Variants in BORCS5 observed in about 807,000 individuals in gnomAD.
BORCS5 encodes the protein BLOC-1-related complex subunit 5.
A neutral mutation model predicts 22.1 loss-of-function variants in BORCS5; 17 were observed. The observed-to-expected ratio is 0.77, with a 90% CI of 0.53 to 1.15. The LOEUF (loss-of-function observed/expected upper bound fraction) is 1.15. Among genes scored for constraint, BORCS5 ranks in the 50% most tolerant of loss-of-function variants. The probability of loss-of-function intolerance (pLI) is 0.00; values close to 1 mark genes in which losing one functional copy is unlikely to be tolerated. For missense variants in BORCS5, 247 were observed against 253.2 expected, an observed-to-expected ratio of 0.98 and a Z score of 0.17; for synonymous variants, 117 against 99.8, an observed-to-expected ratio of 1.17 and a Z score of -1.03.
chr12:12,458,223 C>T (rs192283102), intron 3 of BORCS5, among the ~76,000 whole-genome samples: 2 of 152,314 alleles, frequency 1.3e-5, no homozygotes, highest in Non-Finnish European at 2.9e-5. Flanking sequence ...TTACTCTTAA[C>T]ACCTCCTTGG....
chr12:12,458,548 C>T (rs1037366142), intron 3 of BORCS5, among the ~76,000 whole-genome samples: 1 of 148,258 alleles, frequency 6.7e-6, no homozygotes, highest in Admixed American at 6.7e-5. Context: ...TGCTGCTTGC[C>T]TTTTCATTTT....
chr12:12,369,512 T>A lies in BORCS5; in HGVS notation c.202+8163T>A, dbSNP rs574190218. ...TTCCTGCTTCCTTGCATTACAAAAA[T>A]TTTTTTTTAGTATGTATTCCATTTT... On this transcript the variant is annotated intron_variant, in intron 2 of 3. Transcript: ENST00000314565. Among the ~76,000 whole-genome samples the A allele has an allele frequency of 1.6e-3, 245 of 151,594 alleles. 1 individual carries two copies. The highest frequency in any genetic ancestry group is 5.5e-3 in the African/African-American group (227 of 41,380).
rs1491536859 is a variant in BORCS5, at chr12:12,440,606, A to AAG, written c.360+4822_360+4823insGA. ...AGACGGGGTTTAAGCTAGGTCTTTG[A>AAG]AAAAAAAAAAAAAACCAGGATTTGG... On this transcript the variant is annotated intron_variant, in intron 3 of 3. Transcript: ENST00000314565. Among the ~76,000 whole-genome samples, 5 of 14,460 alleles carry AAG rather than the reference A, an allele frequency of 3.5e-4. No individual in the cohort carries two copies. The African/African-American group carries it at 6.4e-3, about 18-fold the overall frequency. The allele number at this position is 14,460 out of a possible 152,430, so 9.5% of individuals were successfully genotyped here.
chr12:12,435,730 AGT>A lies in BORCS5; in HGVS notation c.309_310del (p.Ala104ArgfsTer6). 6.2e-7 allele frequency: 1 copy of A among 1,614,038 alleles called. No homozygotes were observed. Among genetic ancestry groups the A allele is most frequent in the South Asian group, 1.1e-5 (1 of 91,066 alleles). ...CTCCGATATCAAGATCACCTGCATC[AGT>A]GTGCAGAGGCCGTTGCTTTTGACCA... On this transcript the variant is annotated frameshift_variant, in exon 3 of 4. Coordinates refer to ENST00000314565, the MANE Select transcript of BORCS5 (RefSeq NM_058169.6). LOFTEE classifies it high-confidence loss of function.
chr12:12,445,596 TGGGTCTGGAGTA>T (rs1942772557), intron 3 of BORCS5, among the ~76,000 whole-genome samples: 2 of 136,782 alleles, frequency 1.5e-5, no homozygotes, highest in Non-Finnish European at 3.0e-5. Flanking sequence ...TCTGAGCCAG[TGGGTCTGGAGTA>T]GGGCCTGGTA....
intron 2 of BORCS5, among the ~76,000 whole-genome samples, chr12:12,386,925 A>G (rs936953568): frequency 2.7e-5 from 4 of 150,872 alleles, no homozygotes; most frequent in Admixed American, 2.0e-4. Flanking sequence ...GTGCAGTGGC[A>G]CAATCATAGC....
intron 2 of BORCS5, among the ~76,000 whole-genome samples, chr12:12,407,867 G>A (rs1340580094): frequency 1.3e-5 from 2 of 151,792 alleles, no homozygotes; most frequent in Admixed American, 6.6e-5. Flanking sequence ...ACACCACCAC[G>A]CCTGGCTAAT....
chr12:12,368,109 T>C (rs1451485465), intron 2 of BORCS5, among the ~76,000 whole-genome samples: 1 of 152,160 alleles, frequency 6.6e-6, no homozygotes, highest in Non-Finnish European at 1.5e-5. Flanking sequence ...CATAACTTCA[T>C]CCATATTTGC....
intron 3 of BORCS5, among the ~76,000 whole-genome samples, chr12:12,453,956 C>G (rs949674388): frequency 6.6e-6 from 1 of 152,136 alleles, no homozygotes. Context: ...TGTCTGGTTT[C>G]TTTTACTTAG....
At chr12:12,369,804 A>C (rs1406442363) in intron 2 of BORCS5, among the ~76,000 whole-genome samples, 2 of 143,616 alleles carry the variant, frequency 1.4e-5, no homozygotes, top group Non-Finnish European at 3.0e-5. Context: ...AGCTCACTAC[A>C]ACCTCTGCCT....
At chr12:12,389,862 T>G (rs1941123136) in intron 2 of BORCS5, among the ~76,000 whole-genome samples, 1 of 152,092 alleles carries the variant, frequency 6.6e-6, no homozygotes, top group Non-Finnish European at 1.5e-5. Flanking sequence ...CAGGCTTATC[T>G]TGAACTCTTG....
intron 2 of BORCS5, among the ~76,000 whole-genome samples, chr12:12,393,552 C>T (rs1013248371): frequency 4.0e-5 from 6 of 151,748 alleles, no homozygotes; most frequent in Admixed American, 1.3e-4. Context: ...TAGGGTCTCA[C>T]TCTGTCACTC....
Position 12,465,989 on chromosome 12 carries a change from C to T in BORCS5, c.*213C>T, listed in dbSNP as rs944884233. Reference sequence around the variant, plus strand: ...GTGTGGAAGGAACCTAACCAGTTCTCGGTGATAACTGAAGCTGGAACGTGT... The same window carrying T: ...GTGTGGAAGGAACCTAACCAGTTCTTGGTGATAACTGAAGCTGGAACGTGT... On this transcript the variant is annotated 3_prime_UTR_variant, in exon 4 of 4. Transcript: ENST00000314565. 3.5e-5 allele frequency: 18 copies of T among 511,418 alleles called. No individual in the cohort carries two copies. Among genetic ancestry groups the T allele is most frequent in the South Asian group, 2.5e-4 (8 of 31,588 alleles). 31.7% of individuals were successfully genotyped at this position (511,418 alleles called of 1,614,324 possible).
At chr12:12,380,574 A>G (rs747037540) in intron 2 of BORCS5, among the ~76,000 whole-genome samples, 11 of 151,566 alleles carry the variant, frequency 7.3e-5, no homozygotes, top group Non-Finnish European at 1.3e-4. Flanking sequence ...TAATGCTGCT[A>G]TGAACCTTTG....
At chr12:12,434,466 T>A (rs1942511222) in intron 2 of BORCS5, among the ~76,000 whole-genome samples, 2 of 152,194 alleles carry the variant, frequency 1.3e-5, no homozygotes, top group South Asian at 4.1e-4. Flanking sequence ...AAACTATGTT[T>A]GTAATAATAC....
chr12:12,416,028 T>G lies in BORCS5; in HGVS notation c.203-19600T>G, dbSNP rs73285552. On this transcript the variant is annotated intron_variant, in intron 2 of 3. Coordinates refer to ENST00000314565, the MANE Select transcript of BORCS5 (RefSeq NM_058169.6). ...ACTAATTATAGGTCTATTCAGAGTT[T>G]CTATGTGGCTTAGCCTTGGTAGGTT... is the stretch of plus-strand genomic sequence containing the variant. 8.1e-3 allele frequency among the ~76,000 whole-genome samples: 1,230 copies of G among 152,314 alleles called. 19 individuals carry two copies. The highest frequency in any genetic ancestry group is 0.027 in the African/African-American group (1,112 of 41,580).
intron 2 of BORCS5, among the ~76,000 whole-genome samples, chr12:12,361,943 T>G (rs1286761235): frequency 6.6e-6 from 1 of 152,210 alleles, no homozygotes; most frequent in African/African-American, 2.4e-5. Context: ...GGCCACAACT[T>G]TATTATTTTT....
chr12:12,431,975 T>C (rs1215732628), intron 2 of BORCS5, among the ~76,000 whole-genome samples: 2 of 152,344 alleles, frequency 1.3e-5, no homozygotes, highest in Admixed American at 6.5e-5. Context: ...ATTATAGGCA[T>C]GAGCCACTGT....
intron 3 of BORCS5, chr12:12,452,061 T>C (rs1719438907): frequency 4.6e-6 from 2 of 430,910 alleles, no homozygotes; most frequent in Non-Finnish European, 9.0e-6. Context: ...CTTACGTGAC[T>C]TTCCCCCCTG....
Sources: gnomAD v4.1 joint callset for allele counts (sites outside exome capture counted in the v4.1 genomes callset) on GRCh38, gnomAD v4.1.1 for gene constraint, MANE v1.5 for transcripts, NCBI Gene and HGNC (gene_info 2026-07-23, HGNC 2026-07-21) for gene names.